Variants in DACH1 observed in about 807,000 individuals in gnomAD.
DACH1 encodes dachshund homolog 1.
In DACH1, 12 loss-of-function variants were observed where a neutral mutation model predicts 54.2. That is an observed-to-expected ratio of 0.22 (90% CI 0.14 to 0.36). The LOEUF (loss-of-function observed/expected upper bound fraction) is 0.36. Among genes scored for constraint, DACH1 ranks in the 10% least tolerant of loss-of-function variants. DACH1 has a pLI of 1.00. For missense variants in DACH1, 805 were observed against 929.8 expected, an observed-to-expected ratio of 0.87 and a Z score of 1.75; for synonymous variants, 386 against 366.2, an observed-to-expected ratio of 1.05 and a Z score of -0.62.
At chr13:71,596,330 A>G (rs1000100270) in intron 3 of DACH1, among the ~76,000 whole-genome samples, 1 of 152,136 alleles carries the variant, frequency 6.6e-6, no homozygotes, top group Admixed American at 6.5e-5. Flanking sequence ...CACTACTCCA[A>G]ATACTGGAAA....
At chr13:71,478,580 A>C (rs2138180926) in intron 8 of DACH1, among the ~76,000 whole-genome samples, 1 of 152,308 alleles carries the variant, frequency 6.6e-6, no homozygotes, top group Admixed American at 6.5e-5. Flanking sequence ...GTGACAAAAG[A>C]AGCAGTTCAC....
At chr13:71,457,789 TG>T (rs1216857295) in intron 10 of DACH1, among the ~76,000 whole-genome samples, 1 of 151,988 alleles carries the variant, frequency 6.6e-6, no homozygotes, top group Admixed American at 6.6e-5. Flanking sequence ...AAGAGATTTT[TG>T]TCAGCTTCAA....
intron 3 of DACH1, among the ~76,000 whole-genome samples, chr13:71,585,810 C>A (rs1433880510): frequency 6.6e-6 from 1 of 152,116 alleles, no homozygotes; most frequent in Non-Finnish European, 1.5e-5. Flanking sequence ...CAGGAATAAT[C>A]ATCCTGAGTT....
chr13:71,597,969 A>C (rs561661396), intron 3 of DACH1, among the ~76,000 whole-genome samples: 27 of 151,692 alleles, frequency 1.8e-4, no homozygotes, highest in Non-Finnish European at 3.5e-4. Flanking sequence ...AGGAAAAAAA[A>C]TATGGGAGGC....
chr13:71,486,544 G>A (rs923233628), intron 7 of DACH1, among the ~76,000 whole-genome samples: 2 of 151,964 alleles, frequency 1.3e-5, no homozygotes, highest in Non-Finnish European at 2.9e-5. Flanking sequence ...TTTGTAAAAT[G>A]ATATGAAATC....
chr13:71,735,179 T>TATACGTATGTATATGGGATACACGTATAC (rs1883973989), intron 1 of DACH1, among the ~76,000 whole-genome samples: 2 of 143,986 alleles, frequency 1.4e-5, no homozygotes, highest in Non-Finnish European at 1.6e-5. Flanking sequence ...TACTCGTATA[T>TATACGTATGTATATGGGATACACGTATAC]GGGATATACG....
chr13:71,552,788 T>A (rs1359013305), intron 6 of DACH1, among the ~76,000 whole-genome samples: 2 of 64,100 alleles, frequency 3.1e-5, no homozygotes, highest in East Asian at 8.7e-4. Flanking sequence ...TATATATGGA[T>A]GTGAATATAT....
rs1232995211 is a variant in DACH1, at chr13:71,439,381, A to G, written c.*1274T>C. 3.3e-5 allele frequency: 5 copies of G among 152,482 alleles called. No individual in the cohort carries two copies. 9.4% of individuals were successfully genotyped at this position (152,482 alleles called of 1,614,324 possible). A position where few individuals can be genotyped will look rare whatever the true frequency, so the allele number is the denominator to read the frequency against. On this transcript the variant is annotated 3_prime_UTR_variant, in exon 11 of 11. Transcript: ENST00000613252. ...TGTAACTTTCAAAAAGACAGTGAAA[A>G]TAACACATAGCCACCCTTCCCTCTG...
chr13:71,697,021 C>T (rs969674552), intron 1 of DACH1, among the ~76,000 whole-genome samples: 5 of 152,182 alleles, frequency 3.3e-5, no homozygotes, highest in African/African-American at 9.6e-5. Context: ...CCAACCACTA[C>T]GCAAAGTGCA....
chr13:71,473,805 C>G (rs960481825), intron 10 of DACH1, among the ~76,000 whole-genome samples: 1 of 152,048 alleles, frequency 6.6e-6, no homozygotes, highest in African/African-American at 2.4e-5. Flanking sequence ...TTATCTAATG[C>G]GTGAATAGCC....
chr13:71,807,275 C>T (rs1029774978), intron 1 of DACH1, among the ~76,000 whole-genome samples: 2 of 152,052 alleles, frequency 1.3e-5, no homozygotes, highest in African/African-American at 4.8e-5. Context: ...ATGCCAATAA[C>T]ATTATTTGCT....
At chr13:71,841,302 T>C (rs187623176) in intron 1 of DACH1, among the ~76,000 whole-genome samples, 59 of 151,992 alleles carry the variant, frequency 3.9e-4, no homozygotes, top group African/African-American at 1.3e-3. Flanking sequence ...TCTTTTCTCT[T>C]TTTTTTTGCT....
At chr13:71,605,327 A>G (rs1402367986) in intron 3 of DACH1, among the ~76,000 whole-genome samples, 4 of 151,854 alleles carry the variant, frequency 2.6e-5, no homozygotes, top group Non-Finnish European at 5.9e-5. Context: ...CAACTAATGT[A>G]TTGTAATATG....
chr13:71,710,547 G>T (rs1882677058), intron 1 of DACH1, among the ~76,000 whole-genome samples: 1 of 151,232 alleles, frequency 6.6e-6, no homozygotes, highest in African/African-American at 2.4e-5. Flanking sequence ...AAAACAGGAT[G>T]GAAAAGTGAA....
At chr13:71,865,601 G>C (rs1874686370) in intron 1 of DACH1, among the ~76,000 whole-genome samples, 2 of 152,242 alleles carry the variant, frequency 1.3e-5, no homozygotes, top group Admixed American at 1.3e-4. Flanking sequence ...TGTGGCTCCA[G>C]CAAAGGCGCC....
intron 2 of DACH1, among the ~76,000 whole-genome samples, chr13:71,637,180 G>A (rs1034471401): frequency 6.6e-6 from 1 of 152,040 alleles, no homozygotes; most frequent in Admixed American, 6.6e-5. Context: ...CTGGGATGGC[G>A]CAGCGAGTTA....
chr13:71,761,045 G>T (rs915222719), intron 1 of DACH1, among the ~76,000 whole-genome samples: 1 of 149,926 alleles, frequency 6.7e-6, no homozygotes, highest in African/African-American at 2.5e-5. Context: ...CTTTTACTCC[G>T]GGGCAAGAAC....
intron 1 of DACH1, among the ~76,000 whole-genome samples, chr13:71,840,440 G>C (rs1050576620): frequency 8.5e-5 from 13 of 152,050 alleles, no homozygotes; most frequent in Non-Finnish European, 1.5e-5. Flanking sequence ...ATATCACAGA[G>C]GGCCCTTCTT....
intron 1 of DACH1, among the ~76,000 whole-genome samples, chr13:71,697,293 T>C (rs1881882851): frequency 6.6e-6 from 1 of 152,238 alleles, no homozygotes. Context: ...TACACATTGC[T>C]GATCTATGGC....
Sources: allele counts gnomAD v4.1 joint callset (sites outside exome capture counted in the v4.1 genomes callset), GRCh38; gene constraint gnomAD v4.1.1; transcripts MANE v1.5; gene names NCBI Gene and HGNC (gene_info 2026-07-23, HGNC 2026-07-21).